ANKS1B: variants seen among roughly 807,000 people sequenced by gnomAD.
ANKS1B encodes the protein ankyrin repeat and sterile alpha motif domain-containing protein 1B.
In ANKS1B, 36 loss-of-function variants were observed where a neutral mutation model predicts 148.3. That is an observed-to-expected ratio of 0.24 (90% confidence interval 0.19 to 0.32). ANKS1B has a LOEUF of 0.32. Ranked by LOEUF, ANKS1B falls within the 10% of genes least tolerant of loss-of-function variation. The pLI is 1.00. For missense variants in ANKS1B, 1,157 were observed against 1,542.6 expected, an observed-to-expected ratio of 0.75 and a Z score of 4.19; for synonymous variants, 542 against 560.8, an observed-to-expected ratio of 0.97 and a Z score of 0.47.
intron 12 of ANKS1B, among the ~76,000 whole-genome samples, chr12:99,392,171 G>C (rs923835691): frequency 6.6e-6 from 1 of 152,196 alleles, no homozygotes; most frequent in Non-Finnish European, 1.5e-5. Flanking sequence ...CTGTCGGCTG[G>C]AGGCCAAAGC....
chr12:99,203,911 G>A (rs1394643851), intron 14 of ANKS1B, among the ~76,000 whole-genome samples: 1 of 152,138 alleles, frequency 6.6e-6, no homozygotes, highest in Non-Finnish European at 1.5e-5. Flanking sequence ...ATGTGATTTT[G>A]TCATTCTGTA....
At chr12:98,925,485 T>G (rs1331416177) in intron 17 of ANKS1B, among the ~76,000 whole-genome samples, 1 of 152,238 alleles carries the variant, frequency 6.6e-6, no homozygotes, top group Non-Finnish European at 1.5e-5. Flanking sequence ...CTGTTTTCAC[T>G]GGCAAAATTT....
intron 1 of ANKS1B, among the ~76,000 whole-genome samples, chr12:99,923,467 C>A (rs1460284338): frequency 6.6e-6 from 1 of 152,136 alleles, no homozygotes; most frequent in African/African-American, 2.4e-5. Context: ...GACTAGTAAT[C>A]ACTAAAGGAT....
At chr12:99,147,352 A>G (rs896017287) in intron 15 of ANKS1B, among the ~76,000 whole-genome samples, 4 of 152,178 alleles carry the variant, frequency 2.6e-5, no homozygotes, top group African/African-American at 7.2e-5. Flanking sequence ...GCAATGAAAG[A>G]AAAACATGCA....
At chr12:98,948,383 G>A (rs1369403860) in intron 17 of ANKS1B, among the ~76,000 whole-genome samples, 1 of 152,226 alleles carries the variant, frequency 6.6e-6, no homozygotes, top group Non-Finnish European at 1.5e-5. Context: ...GAAGCAAACA[G>A]TGGGGGGACC....
intron 26 of ANKS1B, among the ~76,000 whole-genome samples, chr12:98,748,003 G>A (rs2097940687): frequency 6.6e-6 from 1 of 152,160 alleles, no homozygotes; most frequent in African/African-American, 2.4e-5. Flanking sequence ...CAAAAATATG[G>A]TTAAATAGAA....
intron 10 of ANKS1B, among the ~76,000 whole-genome samples, chr12:99,462,479 C>T (rs895626765): frequency 3.3e-5 from 5 of 152,160 alleles, no homozygotes; most frequent in African/African-American, 9.7e-5. Context: ...GTGTTGCCTC[C>T]GAAATCACTC....
At chr12:99,652,640 T>G (rs2098428028) in intron 9 of ANKS1B, among the ~76,000 whole-genome samples, 1 of 152,138 alleles carries the variant, frequency 6.6e-6, no homozygotes, top group African/African-American at 2.4e-5. Flanking sequence ...CTTTTTAAAC[T>G]CAACATAGTA....
chr12:99,866,849 A>C (rs2090821992), intron 1 of ANKS1B, among the ~76,000 whole-genome samples: 1 of 152,212 alleles, frequency 6.6e-6, no homozygotes, highest in Non-Finnish European at 1.5e-5. Flanking sequence ...TTTATAGATA[A>C]GGGAATAGGT....
At chr12:99,581,618 C>T (rs2097569913) in intron 9 of ANKS1B, among the ~76,000 whole-genome samples, 1 of 152,222 alleles carries the variant, frequency 6.6e-6, no homozygotes, top group Non-Finnish European at 1.5e-5. Flanking sequence ...CGGCCGGGCG[C>T]GGTGGCTCAC....
chr12:99,344,096 G>A (rs1427594098), intron 12 of ANKS1B, among the ~76,000 whole-genome samples: 2 of 151,876 alleles, frequency 1.3e-5, no homozygotes, highest in Non-Finnish European at 2.9e-5. Context: ...TACTTACCTT[G>A]ACAAACACAT....
At chr12:98,953,560 T>C (rs1314738121) in intron 17 of ANKS1B, among the ~76,000 whole-genome samples, 2 of 118,066 alleles carry the variant, frequency 1.7e-5, no homozygotes, top group Admixed American at 1.8e-4. Context: ...TTTTTTTTTT[T>C]TTTTTTGCCA....
chr12:99,747,531 T>TA (rs891470227), intron 8 of ANKS1B, among the ~76,000 whole-genome samples: 2 of 152,142 alleles, frequency 1.3e-5, no homozygotes, highest in Admixed American at 6.6e-5. Flanking sequence ...CACTTCCTGT[T>TA]AAAAAATCTT....
chr12:98,964,195 G>T (rs1437872996), intron 17 of ANKS1B, among the ~76,000 whole-genome samples: 5 of 152,086 alleles, frequency 3.3e-5, no homozygotes, highest in Non-Finnish European at 7.4e-5. Flanking sequence ...CATATGAAAA[G>T]GTGCTCAACA....
At chr12:99,019,186 G>T (rs2099944297) in intron 17 of ANKS1B, among the ~76,000 whole-genome samples, 1 of 152,048 alleles carries the variant, frequency 6.6e-6, no homozygotes, top group Admixed American at 6.6e-5. Context: ...TTCAACATTG[G>T]CTTCTCCAAA....
intron 9 of ANKS1B, among the ~76,000 whole-genome samples, chr12:99,513,062 A>G (rs2096782487): frequency 1.3e-5 from 2 of 151,910 alleles, no homozygotes; most frequent in Admixed American, 6.6e-5. Context: ...TTGAAAGAAA[A>G]AAAAAAAACT....
intron 1 of ANKS1B, among the ~76,000 whole-genome samples, chr12:99,916,896 G>A (rs1368182375): frequency 6.6e-6 from 1 of 152,194 alleles, no homozygotes; most frequent in African/African-American, 2.4e-5. Context: ...TATTAAAAGT[G>A]AGAGTACATA....
At position 99,229,949 on chromosome 12, in the gene ANKS1B, T is replaced by C. The variant is rs1165322036; in HGVS notation, c.2419+14393A>G. On this transcript the variant is annotated intron_variant, in intron 14 of 26. Transcript: ENST00000683438. ...AAGACACTTATATATACTGGAAATA[T>C]GAAATCATTATCCATAGTTTGGAAA... 2.0e-5 allele frequency among the ~76,000 whole-genome samples: 3 copies of C among 152,056 alleles called. 1 individual carries two copies. The highest frequency in any genetic ancestry group is 6.8e-3 in the Middle Eastern group (2 of 294).
rs1196637019 is a variant in ANKS1B, at chr12:98,745,219, G to A, written c.*520C>T. 1.1e-5 allele frequency: 11 copies of A among 985,612 alleles called. No individual in the cohort carries two copies. In the Admixed American group the frequency reaches 3.7e-4, roughly 33 times the overall value. 61.1% of individuals were successfully genotyped at this position (985,612 alleles called of 1,614,324 possible). A position where few individuals can be genotyped will look rare whatever the true frequency, so the allele number is the denominator to read the frequency against. On this transcript the variant is annotated 3_prime_UTR_variant, in exon 27 of 27. Coordinates refer to ENST00000683438, the MANE Select transcript of ANKS1B (RefSeq NM_001352186.2). ...CAGAATCTCCTGGCAATCATATCAC[G>A]GGAGTTGTTTTTGTCCTTTTGCATT...
Sources: gnomAD v4.1 joint callset for allele counts (sites outside exome capture counted in the v4.1 genomes callset) on GRCh38, gnomAD v4.1.1 for gene constraint, MANE v1.5 for transcripts, NCBI Gene and HGNC (gene_info 2026-07-23, HGNC 2026-07-21) for gene names.